Variants in SETD3 observed in about 807,000 individuals in gnomAD.
The protein encoded by SETD3 is actin-histidine N-methyltransferase.
SETD3 carries 19 observed loss-of-function variants against 63.0 expected under a neutral mutation model. The ratio of observed to expected loss-of-function variants is 0.30; its 90% confidence interval spans 0.21 to 0.44. The LOEUF is 0.44. SETD3 is among the 20% of genes least tolerant of loss of function. The probability of loss-of-function intolerance (pLI) is 1.00; values close to 1 mark genes in which losing one functional copy is unlikely to be tolerated. For missense variants in SETD3, 587 were observed against 728.5 expected (o/e 0.81, Z 2.24); for synonymous variants, 286 against 264.1 (o/e 1.08, Z -0.80).
chr14:99,425,208 G>C (rs150159560), intron 6 of SETD3, among the ~76,000 whole-genome samples: 2 of 152,194 alleles, frequency 1.3e-5, no homozygotes, highest in Non-Finnish European at 2.9e-5. Flanking sequence ...CAGGTTTGCT[G>C]AACTAAGGAG....
At chr14:99,477,381 G>A (rs1352475834) in intron 1 of SETD3, among the ~76,000 whole-genome samples, 1 of 152,122 alleles carries the variant, frequency 6.6e-6, no homozygotes, top group African/African-American at 2.4e-5. Context: ...GCTAATCTCT[G>A]GCTTGAGTTA....
At chr14:99,456,668 G>T (rs1894778946) in intron 6 of SETD3, among the ~76,000 whole-genome samples, 1 of 152,060 alleles carries the variant, frequency 6.6e-6, no homozygotes, top group Non-Finnish European at 1.5e-5. Flanking sequence ...TATTTCAGGG[G>T]GTTATGAAGA....
intron 6 of SETD3, among the ~76,000 whole-genome samples, chr14:99,431,830 G>A (rs561564048): frequency 3.9e-5 from 6 of 152,078 alleles, no homozygotes; most frequent in Non-Finnish European, 8.8e-5. Context: ...CCCCTTGCCA[G>A]GGTCATTCTC....
chr14:99,450,606 C>T (rs1416983410), intron 6 of SETD3, among the ~76,000 whole-genome samples: 2 of 152,162 alleles, frequency 1.3e-5, no homozygotes, highest in Non-Finnish European at 2.9e-5. Flanking sequence ...TTACTCCATC[C>T]TGAAGCATAA....
At chr14:99,471,146 A>G (rs947212535) in intron 1 of SETD3, among the ~76,000 whole-genome samples, 2 of 152,144 alleles carry the variant, frequency 1.3e-5, no homozygotes, top group South Asian at 4.1e-4. Context: ...CTTGTGGCAG[A>G]AAAAAAACCA....
At chr14:99,414,423 C>T (rs540513615) in intron 6 of SETD3, among the ~76,000 whole-genome samples, 1 of 152,316 alleles carries the variant, frequency 6.6e-6, no homozygotes, top group Admixed American at 6.5e-5. Flanking sequence ...CATTTCTCTC[C>T]GACTTAAGTC....
At position 99,457,897 on chromosome 14, in the gene SETD3, C is replaced by T. The variant is rs145720038; in HGVS notation, c.675+382G>A. Among the ~76,000 whole-genome samples the T allele has an allele frequency of 2.6e-5, 4 of 152,276 alleles. No homozygotes were observed. In the East Asian group the frequency reaches 7.7e-4, roughly 29 times the overall value. ...CTAAATTAACTGTCAATATTTTACACTAACATATATAGAAAAAAATTAACC... is the reference window on the plus strand; with the variant it reads ...CTAAATTAACTGTCAATATTTTACATTAACATATATAGAAAAAAATTAACC... On this transcript the variant is annotated intron_variant, in intron 6 of 12. Coordinates refer to ENST00000331768, the MANE Select transcript of SETD3 (RefSeq NM_032233.3).
At chr14:99,435,161 T>G (rs1893409371) in intron 6 of SETD3, among the ~76,000 whole-genome samples, 1 of 152,370 alleles carries the variant, frequency 6.6e-6, no homozygotes, top group East Asian at 1.9e-4. Flanking sequence ...CATATTGTCA[T>G]GTTTATTCAT....
At chr14:99,450,621 G>C (rs988457119) in intron 6 of SETD3, among the ~76,000 whole-genome samples, 1 of 152,204 alleles carries the variant, frequency 6.6e-6, no homozygotes, top group Non-Finnish European at 1.5e-5. Context: ...GCATAAGGCA[G>C]GAAAAGGGGG....
At chr14:99,414,567 C>T (rs1892188773) in intron 6 of SETD3, among the ~76,000 whole-genome samples, 2 of 152,216 alleles carry the variant, frequency 1.3e-5, no homozygotes, top group African/African-American at 4.8e-5. Flanking sequence ...AACGACAAAA[C>T]AGATCAGCAT....
intron 8 of SETD3, chr14:99,411,370 GC>G (rs913154694): frequency 2.4e-4 from 37 of 152,202 alleles, no homozygotes; most frequent in African/African-American, 8.9e-4. Flanking sequence ...TTACATGGAA[GC>G]TAAACAAAAA....
chr14:99,461,459 T>C (rs1895057660), intron 3 of SETD3, 119 bp from the exon 4 acceptor site: 10 of 994,228 alleles, frequency 1.0e-5, no homozygotes, highest in South Asian at 4.8e-5. Context: ...AACACGCCAA[T>C]CTTGAAATCA....
At chr14:99,479,469 G>A (rs997548975) in intron 1 of SETD3, among the ~76,000 whole-genome samples, 1 of 152,182 alleles carries the variant, frequency 6.6e-6, no homozygotes, top group Non-Finnish European at 1.5e-5. Flanking sequence ...CAGTGGAGAG[G>A]AAGACTGCTT....
chr14:99,455,948 A>G (rs956474389), intron 6 of SETD3, among the ~76,000 whole-genome samples: 1 of 152,256 alleles, frequency 6.6e-6, no homozygotes, highest in Non-Finnish European at 1.5e-5. Context: ...TGACTCCAGG[A>G]GTTCAAGACC....
intron 6 of SETD3, among the ~76,000 whole-genome samples, chr14:99,428,126 C>T (rs528977845): frequency 9.2e-5 from 14 of 152,304 alleles, no homozygotes; most frequent in African/African-American, 3.4e-4. Flanking sequence ...ACAGTGCCCA[C>T]GGCAGGAGCA....
chr14:99,410,118 C>A, intron 8 of SETD3: 1 of 1,365,258 alleles, frequency 7.3e-7, no homozygotes, highest in Non-Finnish European at 1.0e-6. Flanking sequence ...CTCAGGGCAG[C>A]CACGCTGGAG....
intron 1 of SETD3, among the ~76,000 whole-genome samples, chr14:99,479,752 A>G (rs1216547818): frequency 6.6e-6 from 1 of 152,208 alleles, no homozygotes; most frequent in African/African-American, 2.4e-5. Context: ...AGCAAAATTG[A>G]TTTGTCAGCA....
chr14:99,467,208 A>G (rs1301028655), intron 1 of SETD3, among the ~76,000 whole-genome samples: 1 of 152,274 alleles, frequency 6.6e-6, no homozygotes, highest in East Asian at 1.9e-4. Context: ...TCTAAAAATC[A>G]GTGTAAAATA....
At chr14:99,445,618 A>T (rs910769371) in intron 6 of SETD3, among the ~76,000 whole-genome samples, 1 of 152,226 alleles carries the variant, frequency 6.6e-6, no homozygotes. Flanking sequence ...AGAAATTACA[A>T]GAATTGCACA....
Sources: allele counts gnomAD v4.1 joint callset (sites outside exome capture counted in the v4.1 genomes callset), GRCh38; gene constraint gnomAD v4.1.1; transcripts MANE v1.5; gene names NCBI Gene and HGNC (gene_info 2026-07-23, HGNC 2026-07-21).